IFT80: variants seen among roughly 807,000 people sequenced by gnomAD.
The protein encoded by IFT80 is intraflagellar transport 80, also known as intraflagellar transport protein 80 homolog.
Under a neutral mutation model 107.9 loss-of-function variants are expected in IFT80, and 79 were observed. The ratio of observed to expected loss-of-function variants is 0.73; its 90% CI spans 0.61 to 0.88. The LOEUF (loss-of-function observed/expected upper bound fraction) is 0.88. Among genes scored for constraint, IFT80 ranks in the 40% least tolerant of loss-of-function variants. The pLI, the probability that IFT80 is intolerant of heterozygous loss-of-function variation, is 0.00. For missense variants in IFT80, 797 were observed against 914.2 expected, an observed-to-expected ratio of 0.87 and a Z score of 1.65; for synonymous variants, 299 against 300.9, an observed-to-expected ratio of 0.99 and a Z score of 0.07.
chr3:160,351,899 C>T (rs1397617815), intron 8 of IFT80, among the ~76,000 whole-genome samples: 1 of 151,832 alleles, frequency 6.6e-6, no homozygotes, highest in Non-Finnish European at 1.5e-5. Flanking sequence ...ATAGTATTTA[C>T]AACTAGCTAT....
intron 8 of IFT80, among the ~76,000 whole-genome samples, chr3:160,354,341 C>A (rs957977377): frequency 2.6e-5 from 4 of 152,084 alleles, no homozygotes; most frequent in Non-Finnish European, 5.9e-5. Flanking sequence ...AAACTTGAGA[C>A]AGGCCTTTAA....
At chr3:160,314,405 T>A (rs958195858) in intron 9 of IFT80, among the ~76,000 whole-genome samples, 1 of 152,204 alleles carries the variant, frequency 6.6e-6, no homozygotes, top group Non-Finnish European at 1.5e-5. Flanking sequence ...AATTATCCAC[T>A]GGGCTGCTTC....
At chr3:160,341,560 C>G (rs1719897866) in intron 8 of IFT80, among the ~76,000 whole-genome samples, 1 of 152,078 alleles carries the variant, frequency 6.6e-6, no homozygotes, top group Non-Finnish European at 1.5e-5. Flanking sequence ...GGCATGTGTA[C>G]CAAACCTAAG....
In IFT80 at chr3:160,345,670, G is replaced by A. The variant is rs1720236553; in HGVS notation, c.777+10343C>T. 2.0e-5 allele frequency among the ~76,000 whole-genome samples: 3 copies of A among 148,066 alleles called. No homozygotes were observed. In the South Asian group the frequency reaches 6.5e-4, roughly 32 times the overall value. ...GATTGCTCCATTGCACTCCAGCCTT[G>A]GCGAGAGAGCAAGACTCTGTCTCAA... On this transcript the variant is annotated intron_variant, in intron 8 of 19. Coordinates refer to ENST00000326448, the MANE Select transcript of IFT80 (RefSeq NM_020800.3).
At chr3:160,379,826 A>T (rs1459666152) in intron 3 of IFT80, among the ~76,000 whole-genome samples, 1 of 152,180 alleles carries the variant, frequency 6.6e-6, no homozygotes, top group Non-Finnish European at 1.5e-5. Flanking sequence ...GATTTTACAC[A>T]TGTATCTCAT....
intron 8 of IFT80, among the ~76,000 whole-genome samples, chr3:160,321,512 C>A (rs1348342171): frequency 6.6e-6 from 1 of 151,902 alleles, no homozygotes; most frequent in Non-Finnish European, 1.5e-5. Context: ...GGATAAGTCC[C>A]AGGATCCCCA....
chr3:160,268,648 A>G, intron 18 of IFT80, 112 bp from the exon 19 acceptor site: 1 of 1,014,478 alleles, frequency 9.9e-7, no homozygotes, highest in Non-Finnish European at 1.5e-6. Context: ...TTTATTCCAC[A>G]ATATGAAATA....
chr3:160,389,211 G>A (rs1713168725), intron 1 of IFT80, among the ~76,000 whole-genome samples: 1 of 152,110 alleles, frequency 6.6e-6, no homozygotes, highest in African/African-American at 2.4e-5. Context: ...ACTGTTAAAT[G>A]GAGAAGTGAT....
At chr3:160,323,297 CT>C (rs1452900349) in intron 8 of IFT80, among the ~76,000 whole-genome samples, 1 of 149,642 alleles carries the variant, frequency 6.7e-6, no homozygotes, top group East Asian at 1.9e-4. Flanking sequence ...ATAGGGAATC[CT>C]TTCCCCATTG....
chr3:160,366,073 T>C lies in IFT80; in HGVS notation c.519A>G (p.Lys173=). The C allele has an allele frequency of 2.4e-5, 38 of 1,612,308 alleles. No homozygotes were observed. The highest frequency in any genetic ancestry group is 3.1e-5 in the Non-Finnish European group (36 of 1,178,978). ...LYTAGKQLII[K]PLQPNAKVLQ... ...AAACTTTAGCATTTGGTTGAAGAGGTTTAATGATTAGCTGCTTGCCTGCTG... is the reference window on the plus strand; with the variant it reads ...AAACTTTAGCATTTGGTTGAAGAGGCTTAATGATTAGCTGCTTGCCTGCTG... Residue 173 remains lysine (K), a synonymous_variant, in exon 6 of 20, where the codon AAA becomes AAG. Coordinates refer to ENST00000326448, the MANE Select transcript of IFT80 (RefSeq NM_020800.3).
intron 12 of IFT80, among the ~76,000 whole-genome samples, chr3:160,288,724 A>G (rs1055650858): frequency 1.6e-4 from 24 of 152,324 alleles, no homozygotes; most frequent in African/African-American, 4.1e-4. Flanking sequence ...ACATATGAAC[A>G]AAATAGAGAA....
intron 2 of IFT80, among the ~76,000 whole-genome samples, chr3:160,382,557 GT>G (rs1247135099): frequency 6.6e-6 from 1 of 152,128 alleles, no homozygotes; most frequent in Non-Finnish European, 1.5e-5. Flanking sequence ...TCAGGACAGG[GT>G]GATTACCCTA....
chr3:160,370,559 G>GC (rs1198064563), intron 5 of IFT80, among the ~76,000 whole-genome samples: 1 of 147,432 alleles, frequency 6.8e-6, no homozygotes, highest in Non-Finnish European at 1.5e-5. Context: ...TTAAATAAAG[G>GC]CATTTTTTTT....
In IFT80 at chr3:160,258,581, C is replaced by A; in HGVS notation, c.2278G>T (p.Glu760Ter). 6.2e-7 allele frequency: 1 copy of A among 1,613,334 alleles called. No individual in the cohort carries two copies. The highest frequency in any genetic ancestry group is 8.5e-7 in the Non-Finnish European group (1 of 1,179,926). The change falls in exon 20 of 20, where the codon GAA becomes TAA. Residue 760 changes from glutamate (E) to a stop codon, truncating the protein, a stop_gained. Transcript: ENST00000326448. LOFTEE classifies it high-confidence loss of function. ...KAKIEMEITK[E>*]REQSSSSQSS... ...TGGCTGCTTGATGATTGCTCTCTTTCTTTTGTAATTTCCATCTCAATTTTG... is the reference window on the plus strand; with the variant it reads ...TGGCTGCTTGATGATTGCTCTCTTTATTTTGTAATTTCCATCTCAATTTTG...
chr3:160,260,379 C>G (rs974318342), intron 19 of IFT80, among the ~76,000 whole-genome samples: 1 of 152,124 alleles, frequency 6.6e-6, no homozygotes, highest in African/African-American at 2.4e-5. Flanking sequence ...ATAGAGAAGA[C>G]GAAACTTGAT....
intron 19 of IFT80, 35 bp downstream of exon 19, chr3:160,268,378 A>T (rs1371442588): frequency 2.6e-6 from 4 of 1,547,364 alleles, no homozygotes; most frequent in Non-Finnish European, 3.6e-6. Flanking sequence ...CTTATAAAGC[A>T]TATGTATTAT....
intron 19 of IFT80, 89 bp from the exon 20 acceptor site, chr3:160,258,724 C>G (rs1173522999): frequency 1.4e-6 from 2 of 1,435,942 alleles, no homozygotes; most frequent in Non-Finnish European, 1.9e-6. Context: ...AACAGATAGA[C>G]TGTGTGACTT....
At chr3:160,326,173 TTC>T (rs1364811576) in intron 8 of IFT80, among the ~76,000 whole-genome samples, 2 of 152,064 alleles carry the variant, frequency 1.3e-5, no homozygotes, top group Non-Finnish European at 2.9e-5. Flanking sequence ...TTAAAATTAT[TTC>T]TCTCTGTTTT....
At chr3:160,359,070 A>G (rs1446162233) in intron 6 of IFT80, among the ~76,000 whole-genome samples, 1 of 152,230 alleles carries the variant, frequency 6.6e-6, no homozygotes, top group Non-Finnish European at 1.5e-5. Flanking sequence ...GAATTAATTA[A>G]GCACACTTTT....
Sources: gnomAD v4.1 joint callset for allele counts (sites outside exome capture counted in the v4.1 genomes callset) on GRCh38, gnomAD v4.1.1 for gene constraint, MANE v1.5 for transcripts, NCBI Gene and HGNC (gene_info 2026-07-23, HGNC 2026-07-21) for gene names.